SCD5: variants seen among roughly 807,000 people sequenced by gnomAD.
The protein encoded by SCD5 is acyl-CoA-desaturase 4.
Under a neutral mutation model 30.4 loss-of-function variants are expected in SCD5, and 20 were observed. That is an observed-to-expected ratio of 0.66 (90% CI 0.46 to 0.96). The LOEUF (loss-of-function observed/expected upper bound fraction) is 0.96, where lower values mean the gene tolerates loss of function less well. Ranked by LOEUF, SCD5 falls within the 40% of genes least tolerant of loss-of-function variation. The pLI is 0.00. For missense variants in SCD5, 381 were observed against 443.3 expected, an observed-to-expected ratio of 0.86 and a Z score of 1.26; for synonymous variants, 173 against 176.4, an observed-to-expected ratio of 0.98 and a Z score of 0.16.
At chr4:82,716,762 C>T (rs781047194) in intron 1 of SCD5, among the ~76,000 whole-genome samples, 7 of 151,352 alleles carry the variant, frequency 4.6e-5, no homozygotes, top group Non-Finnish European at 1.0e-4. Context: ...TGCAATGAGC[C>T]GAGATCGTAC....
chr4:82,642,080 C>A (rs906519215), intron 3 of SCD5, among the ~76,000 whole-genome samples: 1 of 151,560 alleles, frequency 6.6e-6, no homozygotes, highest in African/African-American at 2.4e-5. Context: ...GTTTGCAACT[C>A]ATCAGCATAT....
chr4:82,773,063 T>C (rs140140946), intron 1 of SCD5, among the ~76,000 whole-genome samples: 50 of 152,238 alleles, frequency 3.3e-4, no homozygotes, highest in African/African-American at 9.9e-4. Context: ...ATGTTTTTCA[T>C]TCCTGATCCT....
rs372096643 is a variant in SCD5 at position 82,730,687 on chromosome 4, A to G, written c.233-25274T>C. 5.2e-3 allele frequency among the ~76,000 whole-genome samples: 716 copies of G among 137,602 alleles called. 14 individuals are homozygous for G. Among genetic ancestry groups the G allele is most frequent in the East Asian group, 0.043 (198 of 4,658 alleles). The allele number at this position is 137,602 out of a possible 152,430, so 90.3% of individuals were successfully genotyped here. ...TGCATGCTCTGCCTCCCGGGTTCAC[A>G]CCATTCTCCTGCCTCAGCCTCCCGA... On this transcript the variant is annotated intron_variant, in intron 1 of 4. Transcript: ENST00000319540.
intron 1 of SCD5, among the ~76,000 whole-genome samples, chr4:82,741,853 C>CG (rs34875819): frequency 0.18 from 8,248 of 45,128 alleles, 674 homozygotes; most frequent in African/African-American, 0.37. Context: ...TCAGAGTGGG[C>CG]GGGGGGGGGG....
chr4:82,636,166 C>T (rs1241405519), intron 4 of SCD5, among the ~76,000 whole-genome samples: 1 of 151,968 alleles, frequency 6.6e-6, no homozygotes, highest in Non-Finnish European at 1.5e-5. Flanking sequence ...ATGACTTGTC[C>T]AAGAGTCAGG....
chr4:82,720,451 A>T (rs544658150), intron 1 of SCD5, among the ~76,000 whole-genome samples: 6,275 of 147,686 alleles, frequency 0.042, 277 homozygotes, highest in Non-Finnish European at 0.062. Flanking sequence ...TAAAAAAAAA[A>T]AAAAAAAAAA....
At chr4:82,686,075 G>A (rs1312333540) in intron 2 of SCD5, among the ~76,000 whole-genome samples, 4 of 151,626 alleles carry the variant, frequency 2.6e-5, no homozygotes, top group Non-Finnish European at 5.9e-5. Context: ...GTGTGATTAT[G>A]GCTCACTACA....
rs1727436375 is a variant in SCD5 at position 82,636,613 on chromosome 4, T to G, written c.780A>C (p.Pro260=). ...YDKHISPRQN[P]LVALGAIGEG... is the part of the protein sequence containing the mutation. ...CACCAATGGCACCCAGAGCGACGAG[T>G]GGGTTCTGCCGAGGGCTGATGTGCT... The change falls in exon 4 of 5, where the codon CCA becomes CCC. Residue 260 remains proline, a synonymous_variant. Coordinates refer to ENST00000319540, the MANE Select transcript of SCD5 (RefSeq NM_001037582.3). 2.5e-6 allele frequency: 4 copies of G among 1,613,812 alleles called. No individual in the cohort carries two copies. The highest frequency in any genetic ancestry group is 1.1e-5 in the South Asian group (1 of 91,036).
chr4:82,749,242 G>A (rs1721052578), intron 1 of SCD5, among the ~76,000 whole-genome samples: 1 of 152,210 alleles, frequency 6.6e-6, no homozygotes, highest in Non-Finnish European at 1.5e-5. Flanking sequence ...TATGGAGGGT[G>A]TAAAGCTAGT....
chr4:82,661,685 C>A (rs1728011782), intron 3 of SCD5, among the ~76,000 whole-genome samples: 1 of 152,192 alleles, frequency 6.6e-6, no homozygotes, highest in South Asian at 2.1e-4. Context: ...CTTGTTTAAA[C>A]AAATTTTTCT....
At chr4:82,668,093 T>G (rs1022621309) in intron 3 of SCD5, among the ~76,000 whole-genome samples, 5 of 152,188 alleles carry the variant, frequency 3.3e-5, no homozygotes, top group Admixed American at 6.5e-5. Flanking sequence ...GTTAAACAGC[T>G]TTTGTTCTCT....
chr4:82,666,521 A>AAAAG (rs534637633), intron 3 of SCD5, among the ~76,000 whole-genome samples: 19 of 151,800 alleles, frequency 1.3e-4, no homozygotes, highest in Non-Finnish European at 2.1e-4. Context: ...TCTCAAAAAA[A>AAAAG]AAAGAAAGAA....
chr4:82,723,377 T>G (rs1482232547), intron 1 of SCD5, among the ~76,000 whole-genome samples: 1 of 152,256 alleles, frequency 6.6e-6, no homozygotes, highest in Non-Finnish European at 1.5e-5. Context: ...TTAAAAGACT[T>G]GTTTTTTCTT....
At chr4:82,652,868 T>C (rs113119508) in intron 3 of SCD5, among the ~76,000 whole-genome samples, 17 of 152,250 alleles carry the variant, frequency 1.1e-4, no homozygotes, top group African/African-American at 4.1e-4. Context: ...AGAGAAAGAC[T>C]TCAGTTGGGT....
chr4:82,676,645 C>T (rs1470717726), intron 3 of SCD5, among the ~76,000 whole-genome samples: 1 of 152,180 alleles, frequency 6.6e-6, no homozygotes, highest in African/African-American at 2.4e-5. Flanking sequence ...GAATCTAGGA[C>T]CCTAGGAATC....
intron 1 of SCD5, among the ~76,000 whole-genome samples, chr4:82,793,743 T>C (rs554330906): frequency 7.9e-5 from 12 of 152,348 alleles, no homozygotes; most frequent in African/African-American, 2.6e-4. Flanking sequence ...AGTATTAATA[T>C]ATCCATTTTA....
At chr4:82,790,977 TGCC>T (rs1243831853) in intron 1 of SCD5, among the ~76,000 whole-genome samples, 1 of 152,130 alleles carries the variant, frequency 6.6e-6, no homozygotes, top group Non-Finnish European at 1.5e-5. Flanking sequence ...TGGTGGCTCA[TGCC>T]TGTAATCCCA....
chr4:82,657,182 T>A (rs1195653923), intron 3 of SCD5, among the ~76,000 whole-genome samples: 1 of 152,256 alleles, frequency 6.6e-6, no homozygotes, highest in Non-Finnish European at 1.5e-5. Flanking sequence ...CATGACTATG[T>A]CCTGAATGGT....
At chr4:82,751,343 G>A (rs556358545) in intron 1 of SCD5, among the ~76,000 whole-genome samples, 1 of 152,236 alleles carries the variant, frequency 6.6e-6, no homozygotes, top group East Asian at 1.9e-4. Context: ...CTACAGGCAT[G>A]CACCACCATA....
Sources: gnomAD v4.1 joint callset for allele counts (sites outside exome capture counted in the v4.1 genomes callset) on GRCh38, gnomAD v4.1.1 for gene constraint, MANE v1.5 for transcripts, NCBI Gene and HGNC (gene_info 2026-07-23, HGNC 2026-07-21) for gene names.